PLEKHG4B: variants seen among roughly 807,000 people sequenced by gnomAD.
PLEKHG4B encodes pleckstrin homology domain-containing family G member 4B.
PLEKHG4B carries 111 observed loss-of-function variants against 121.3 expected under a neutral mutation model. That is an observed-to-expected ratio of 0.92 (90% confidence interval 0.78 to 1.07). The LOEUF (loss-of-function observed/expected upper bound fraction) is 1.07, where lower values mean the gene tolerates loss of function less well. PLEKHG4B is among the 50% of genes least tolerant of loss of function. PLEKHG4B has a pLI of 0.00. For missense variants in PLEKHG4B, 1,831 were observed against 1,757.8 expected (o/e 1.04, Z -0.74); for synonymous variants, 738 against 725.0 (o/e 1.02, Z -0.29).
chr5:120,025 T>C (rs1734422341), intron 2 of PLEKHG4B, among the ~76,000 whole-genome samples: 1 of 152,048 alleles, frequency 6.6e-6, no homozygotes, highest in South Asian at 2.1e-4. Flanking sequence ...TGGGGGAGAA[T>C]CGCTTGAGCC....
chr5:136,909 G>A (rs1735000920), intron 2 of PLEKHG4B, among the ~76,000 whole-genome samples: 1 of 152,154 alleles, frequency 6.6e-6, no homozygotes, highest in Non-Finnish European at 1.5e-5. Context: ...TTGTATACCC[G>A]TGTTGATAGC....
Position 113,802 on chromosome 5 carries a change from T to A in PLEKHG4B, c.243+354T>A, listed in dbSNP as rs574342999. 8.7e-4 allele frequency among the ~76,000 whole-genome samples: 132 copies of A among 152,158 alleles called. 1 individual carries two copies. The highest frequency in any genetic ancestry group is 2.4e-4 in the Non-Finnish European group (16 of 67,996). ...ACCTGGAAGGGACTGTACTGAGCACTTCAGAGCTAAGTTACTGCAGCAGTA... is the reference window on the plus strand; with the variant it reads ...ACCTGGAAGGGACTGTACTGAGCACATCAGAGCTAAGTTACTGCAGCAGTA... On this transcript the variant is annotated intron_variant, in intron 2 of 19. Transcript: ENST00000637938. This position sits in a 1 kb window ranked among gnomAD's most constrained non-coding sequence, Gnocchi z 5.2.
chr5:111,510 CA>C (rs1392047810), intron 1 of PLEKHG4B, among the ~76,000 whole-genome samples: 1 of 152,176 alleles, frequency 6.6e-6, no homozygotes, highest in Non-Finnish European at 1.5e-5. Context: ...TGGCCCTGGA[CA>C]GAGCTCTGGG....
At chr5:162,141 T>C (rs1438615269) in intron 12 of PLEKHG4B, among the ~76,000 whole-genome samples, 197 bp downstream of exon 12, 2 of 152,202 alleles carry the variant, frequency 1.3e-5, no homozygotes, top group Admixed American at 6.5e-5. Flanking sequence ...GCATTTGATA[T>C]TGTACCAAAC....
In PLEKHG4B at chr5:187,031, G is replaced by A. The variant is rs1457833536; in HGVS notation, c.*4708G>A. 1 of 152,342 alleles carries A rather than the reference G, an allele frequency of 6.6e-6. No individual in the cohort carries two copies. The highest frequency in any genetic ancestry group is 1.5e-5 in the Non-Finnish European group (1 of 68,142). 9.4% of individuals were successfully genotyped at this position (152,342 alleles called of 1,614,324 possible). A position where few individuals can be genotyped will look rare whatever the true frequency, so the allele number is the denominator to read the frequency against. On this transcript the variant is annotated 3_prime_UTR_variant, in exon 20 of 20. Transcript: ENST00000637938. ...CCATCCTGGGACTGTGCTTGGACAA[G>A]GTTGGGGCTCCCGCAGTGAGCTCTA...
intron 2 of PLEKHG4B, among the ~76,000 whole-genome samples, chr5:126,613 A>G (rs191738067): frequency 4.9e-4 from 75 of 152,248 alleles, no homozygotes; most frequent in African/African-American, 1.7e-3. Flanking sequence ...GGACATTTGA[A>G]TCTAATTATG....
At position 157,075 on chromosome 5, in the gene PLEKHG4B, G is replaced by T. The variant is rs1048517511; in HGVS notation, c.2487+164G>T. The T allele has an allele frequency of 7.4e-6, 8 of 1,074,994 alleles. No homozygotes were observed. In the East Asian group the frequency reaches 7.9e-5, roughly 11 times the overall value. 66.6% of individuals were successfully genotyped at this position (1,074,994 alleles called of 1,614,324 possible). A position where few individuals can be genotyped will look rare whatever the true frequency, so the allele number is the denominator to read the frequency against. On this transcript the variant is annotated intron_variant, in intron 11 of 19. Transcript: ENST00000637938. This position sits in a 1 kb window ranked among gnomAD's most constrained non-coding sequence, Gnocchi z 4.6. Reference sequence around the variant, plus strand: ...GCATGCCTTGCTGCTTGTGTAAAAAGAAATAAATTTTATTTTTTACGTGAG... The same window carrying T: ...GCATGCCTTGCTGCTTGTGTAAAAATAAATAAATTTTATTTTTTACGTGAG...
intron 18 of PLEKHG4B, among the ~76,000 whole-genome samples, chr5:177,987 C>T (rs1036484940): frequency 2.7e-5 from 4 of 148,968 alleles, no homozygotes; most frequent in African/African-American, 1.0e-4. Flanking sequence ...GAGGATGCAC[C>T]GTGTGCCTAG....
chr5:135,665 CAAAAAA>C lies in PLEKHG4B; in HGVS notation c.244-3805_244-3800del, dbSNP rs139636561. On this transcript the variant is annotated intron_variant, in intron 2 of 19. Transcript: ENST00000637938. Reference sequence around the variant, plus strand: ...TGGGCGACAAAGCAAGACTCCATCTCAAAAAAAAAAAAAAAAAATATATATATATAT... The same window carrying C: ...TGGGCGACAAAGCAAGACTCCATCTCAAAAAAAAAAAATATATATATATAT... Among the ~76,000 whole-genome samples the C allele has an allele frequency of 6.1e-3, 110 of 18,110 alleles. 2 individuals carry two copies. The highest frequency in any genetic ancestry group is 0.013 in the African/African-American group (46 of 3,606). 11.9% of individuals were successfully genotyped at this position (18,110 alleles called of 152,430 possible).
At position 161,953 on chromosome 5, in the gene PLEKHG4B, C is replaced by T; in HGVS notation, c.2649+9C>T. On this transcript the variant is annotated intron_variant, in intron 12 of 19. Coordinates refer to ENST00000637938, the MANE Select transcript of PLEKHG4B (RefSeq NM_052909.5). ...CCGAGTTGTGCGAGACGGTAAGAGA[C>T]CCAGTGGGCGTGCGTCCCAGGGATC... The T allele has an allele frequency of 6.2e-7, 1 of 1,601,938 alleles. No homozygotes were observed. Among genetic ancestry groups the T allele is most frequent in the Non-Finnish European group, 8.5e-7 (1 of 1,173,686 alleles).
intron 6 of PLEKHG4B, among the ~76,000 whole-genome samples, chr5:151,243 A>G (rs1375643168): frequency 1.3e-5 from 2 of 152,228 alleles, no homozygotes; most frequent in Admixed American, 1.3e-4. Flanking sequence ...TGATGGTTAC[A>G]TGACTATGCT....
Position 140,461 on chromosome 5 carries a change from C to T in PLEKHG4B, c.1222C>T (p.Pro408Ser), listed in dbSNP as rs1163793994. Residue 408 changes from proline to serine, a missense_variant, in exon 3 of 20, where the codon CCC becomes TCC. Transcript: ENST00000637938. ...GGAAACCTCTGGCCCCCGGGGAGAC[C>T]CCCAACAGACCCCAAGTCTAGAGAA... ...QEETSGPRGD[P>S]QQTPSLEKER... is the part of the protein sequence containing the mutation. 3.2e-6 allele frequency: 5 copies of T among 1,587,066 alleles called. No individual in the cohort carries two copies. In the African/African-American group the frequency reaches 6.7e-5, roughly 21 times the overall value.
chr5:128,274 G>A (rs577811870), intron 2 of PLEKHG4B, among the ~76,000 whole-genome samples: 6 of 152,294 alleles, frequency 3.9e-5, no homozygotes, highest in South Asian at 2.1e-4. Context: ...GCAAAGAAAC[G>A]TATTTTGCAG....
chr5:177,046 C>T (rs937392747), intron 18 of PLEKHG4B, among the ~76,000 whole-genome samples: 1 of 152,222 alleles, frequency 6.6e-6, no homozygotes, highest in Admixed American at 6.5e-5. Flanking sequence ...CAGGGATTTG[C>T]CAAATTAGTC....
rs868068454 is a variant in PLEKHG4B at position 140,314 on chromosome 5, G to A, written c.1075G>A (p.Ala359Thr). The A allele has an allele frequency of 6.6e-7, 1 of 1,506,326 alleles. No individual in the cohort carries two copies. Among genetic ancestry groups the A allele is most frequent in the Non-Finnish European group, 8.8e-7 (1 of 1,130,110 alleles). 93.3% of individuals were successfully genotyped at this position (1,506,326 alleles called of 1,614,324 possible). A position where few individuals can be genotyped will look rare whatever the true frequency, so the allele number is the denominator to read the frequency against. Residue 359 changes from alanine (A) to threonine (T), a missense_variant, in exon 3 of 20, where the codon GCC (alanine) becomes ACC (threonine). Ala to Thr is a moderately conservative substitution (Grantham distance 58, BLOSUM62 0). Coordinates refer to ENST00000637938, the MANE Select transcript of PLEKHG4B (RefSeq NM_052909.5). ...RRWFRESYME[A>T]LRNPMPLGSS... Reference sequence around the variant, plus strand: ...CTGGTTCAGGGAGTCGTACATGGAAGCCTTGCGGAACCCCATGCCCCTGGG... The same window carrying A: ...CTGGTTCAGGGAGTCGTACATGGAAACCTTGCGGAACCCCATGCCCCTGGG...
intron 2 of PLEKHG4B, among the ~76,000 whole-genome samples, chr5:121,443 C>T (rs1461108966): frequency 6.6e-6 from 1 of 152,112 alleles, no homozygotes; most frequent in East Asian, 1.9e-4. Context: ...AACAAAACCT[C>T]AGTAACTGGT....
rs972474971 is a variant in PLEKHG4B at position 99,917 on chromosome 5, G to A, written c.45+7641G>A. On this transcript the variant is annotated intron_variant, in intron 1 of 19. Coordinates refer to ENST00000637938, the MANE Select transcript of PLEKHG4B (RefSeq NM_052909.5). ...TTTCTTTCTATTCTTGGTTTTCTGG[G>A]TCTGTTATCATGAAAGGGTGTTGGA... Among the ~76,000 whole-genome samples the A allele has an allele frequency of 7.9e-5, 12 of 152,024 alleles. 1 individual carries two copies. The highest frequency in any genetic ancestry group is 5.9e-5 in the Non-Finnish European group (4 of 68,020).
rs759916972 is a variant in PLEKHG4B, at chr5:143,032, CTT to C, written c.1478-13_1478-12del. 1 of 1,611,412 alleles carries C rather than the reference CTT, an allele frequency of 6.2e-7. No homozygotes were observed. Among genetic ancestry groups the C allele is most frequent in the Non-Finnish European group, 8.5e-7 (1 of 1,178,298 alleles). On this transcript the variant is annotated splice_polypyrimidine_tract_variant and intron_variant, in intron 3 of 19. Transcript: ENST00000637938. The stretch of plus-strand genomic sequence containing the variant: ...AAAACCTTCATCTTTGACACGGCCT[CTT>C]TCCTTTGTCCAGACGTTCTTGCATC...
At chr5:94,581 T>C (rs1162257713) in intron 1 of PLEKHG4B, among the ~76,000 whole-genome samples, 1 of 143,914 alleles carries the variant, frequency 6.9e-6, no homozygotes, top group African/African-American at 2.8e-5. Context: ...TAGGCTGGGA[T>C]GAGTGGCTGG....
Sources: gnomAD v4.1 joint callset for allele counts (sites outside exome capture counted in the v4.1 genomes callset) on GRCh38, gnomAD v4.1.1 for gene constraint, Gnocchi (gnomAD v3.1) non-coding constraint, MANE v1.5 for transcripts, NCBI Gene and HGNC (gene_info 2026-07-23, HGNC 2026-07-21) for gene names.